FER: variants seen among roughly 807,000 people sequenced by gnomAD.
The protein encoded by FER is FER tyrosine kinase.
A neutral mutation model predicts 111.0 loss-of-function variants in FER; 63 were observed. The ratio of observed to expected loss-of-function variants is 0.57; its 90% CI spans 0.46 to 0.70. The LOEUF is 0.70. FER is among the 30% of genes least tolerant of loss of function. The pLI is 0.00. For missense variants in FER, 914 were observed against 954.0 expected, an observed-to-expected ratio of 0.96 and a Z score of 0.55; for synonymous variants, 327 against 313.9, an observed-to-expected ratio of 1.04 and a Z score of -0.44.
At chr5:108,962,135 G>A (rs1006935620) in intron 13 of FER, among the ~76,000 whole-genome samples, 2 of 152,094 alleles carry the variant, frequency 1.3e-5, no homozygotes, top group Non-Finnish European at 2.9e-5. Flanking sequence ...AACTAGACAG[G>A]ATTAAATTGT....
intron 6 of FER, among the ~76,000 whole-genome samples, chr5:108,871,108 A>T (rs559843541): frequency 9.9e-5 from 15 of 152,226 alleles, no homozygotes; most frequent in Admixed American, 5.9e-4. Context: ...GGACATATCA[A>T]ATACATTTTT....
intron 10 of FER, among the ~76,000 whole-genome samples, chr5:108,908,068 T>C (rs1254774037): frequency 1.3e-5 from 2 of 152,212 alleles, no homozygotes; most frequent in Admixed American, 1.3e-4. Flanking sequence ...TTAGATTTTC[T>C]TCCTTTGATT....
At chr5:109,179,861 A>G (rs985650144) in intron 17 of FER, among the ~76,000 whole-genome samples, 1 of 152,178 alleles carries the variant, frequency 6.6e-6, no homozygotes, top group Admixed American at 6.6e-5. Flanking sequence ...ATGGATCCCA[A>G]GGGATGGCTG....
At chr5:108,973,836 A>G (rs954400300) in intron 13 of FER, among the ~76,000 whole-genome samples, 10 of 152,158 alleles carry the variant, frequency 6.6e-5, no homozygotes, top group Non-Finnish European at 1.3e-4. Context: ...ATAAATCTAT[A>G]TCCTTTTTTG....
At chr5:108,893,452 A>G (rs62360824) in intron 9 of FER, among the ~76,000 whole-genome samples, 34,304 of 151,522 alleles carry the variant, frequency 0.23, 4,072 homozygotes, top group African/African-American at 0.29. Context: ...GAGATTTTAC[A>G]TTTAAATCTA....
At chr5:108,891,950 A>G (rs1748143164) in intron 9 of FER, among the ~76,000 whole-genome samples, 1 of 152,122 alleles carries the variant, frequency 6.6e-6, no homozygotes, top group Admixed American at 6.5e-5. Flanking sequence ...TTTGCTGAGA[A>G]TGATGGTTTC....
At chr5:108,897,634 A>G in intron 9 of FER, 25 bp from the exon 10 acceptor site, 1 of 1,470,530 alleles carries the variant, frequency 6.8e-7, no homozygotes. Context: ...TGAAGTTGAA[A>G]TCATTTATAT....
chr5:109,105,114 A>G (rs1748734977), intron 17 of FER, among the ~76,000 whole-genome samples: 1 of 152,094 alleles, frequency 6.6e-6, no homozygotes, highest in Admixed American at 6.5e-5. Flanking sequence ...GGAAGAGAGT[A>G]ATATTATATT....
Position 109,187,754 on chromosome 5 carries a change from T to TAAAGA in FER, c.*182_*186dup, listed in dbSNP as rs751980065. ...TGTAAAAAGTCAAAGGCAAATTTGT[T>TAAAGA]AAAGAAATAGGCAGTCCTACCAAGG... is the stretch of plus-strand genomic sequence containing the variant. On this transcript the variant is annotated 3_prime_UTR_variant, in exon 20 of 20. Transcript: ENST00000281092. 2 of 737,898 alleles carry TAAAGA rather than the reference T, an allele frequency of 2.7e-6. No homozygotes were observed. Among genetic ancestry groups the TAAAGA allele is most frequent in the Non-Finnish European group, 2.2e-6 (1 of 464,984 alleles). The allele number at this position is 737,898 out of a possible 1,614,324, so 45.7% of individuals were successfully genotyped here.
chr5:108,907,173 G>T (rs1224749980), intron 10 of FER, among the ~76,000 whole-genome samples: 1 of 152,054 alleles, frequency 6.6e-6, no homozygotes, highest in Non-Finnish European at 1.5e-5. Flanking sequence ...TGCACATTTG[G>T]TTTTTGTTCC....
intron 10 of FER, among the ~76,000 whole-genome samples, chr5:108,944,596 C>CAGCA (rs1756722412): frequency 6.6e-6 from 1 of 151,996 alleles, no homozygotes. Flanking sequence ...TCAATGAATT[C>CAGCA]AGCACAGTCT....
chr5:108,780,434 T>G (rs1753934248), intron 2 of FER, among the ~76,000 whole-genome samples: 1 of 151,938 alleles, frequency 6.6e-6, no homozygotes, highest in South Asian at 2.1e-4. Flanking sequence ...ATAATTCACT[T>G]CACTCCCTTC....
chr5:108,828,209 T>G (rs1759674007), intron 3 of FER, among the ~76,000 whole-genome samples: 1 of 152,182 alleles, frequency 6.6e-6, no homozygotes, highest in Non-Finnish European at 1.5e-5. Context: ...ATTATTTACT[T>G]TTTGTACTTT....
intron 17 of FER, among the ~76,000 whole-genome samples, chr5:109,112,116 T>C (rs1749689281): frequency 6.6e-6 from 1 of 152,148 alleles, no homozygotes; most frequent in Non-Finnish European, 1.5e-5. Flanking sequence ...GGTTATAATG[T>C]TAACCTACCT....
chr5:109,114,131 C>T (rs958276215), intron 17 of FER, among the ~76,000 whole-genome samples: 20 of 152,056 alleles, frequency 1.3e-4, no homozygotes, highest in Non-Finnish European at 2.2e-4. Flanking sequence ...CTTACTTCCC[C>T]ACTCACTGTA....
chr5:109,191,602 G>T lies in FER; in HGVS notation c.*4027G>T, dbSNP rs2126906505. 1 of 152,176 alleles carries T rather than the reference G, an allele frequency of 6.6e-6. No individual in the cohort carries two copies. The highest frequency in any genetic ancestry group is 2.4e-5 in the African/African-American group (1 of 41,538). 9.4% of individuals were successfully genotyped at this position (152,176 alleles called of 1,614,324 possible). A position where few individuals can be genotyped will look rare whatever the true frequency, so the allele number is the denominator to read the frequency against. ...TAGGTATTAATATCTTAATTAAATG[G>T]AATCAGATTTTGTATGGAAATGAGT... On this transcript the variant is annotated 3_prime_UTR_variant, in exon 20 of 20. Transcript: ENST00000281092.
chr5:108,873,812 G>C lies in FER; in HGVS notation c.923+1600G>C, dbSNP rs145514060. Among the ~76,000 whole-genome samples, 151 of 152,274 alleles carry C rather than the reference G, an allele frequency of 9.9e-4. 2 individuals carry two copies. The East Asian group carries it at 0.028, about 29-fold the overall frequency. On this transcript the variant is annotated intron_variant, in intron 8 of 19. Coordinates refer to ENST00000281092, the MANE Select transcript of FER (RefSeq NM_005246.4). ...CGTAGATGCTGCTAAACGTCCTACA[G>C]TGCACAGGACAGCCTCCCAAACAAA...
Position 108,991,875 on chromosome 5 carries a change from T to A in FER, c.1656+32528T>A, listed in dbSNP as rs574145095. Among the ~76,000 whole-genome samples the A allele has an allele frequency of 2.5e-3, 356 of 145,094 alleles. 1 individual carries two copies. Among genetic ancestry groups the A allele is most frequent in the African/African-American group, 7.9e-3 (305 of 38,642 alleles). ...TTCTTTGTATTTTCTTTTTTTTTTT[T>A]AAATTAATTAATTTATTTTTATTGA... On this transcript the variant is annotated intron_variant, in intron 13 of 19. Coordinates refer to ENST00000281092, the MANE Select transcript of FER (RefSeq NM_005246.4).
chr5:108,870,338 C>A (rs374106640), intron 6 of FER, among the ~76,000 whole-genome samples: 1 of 152,042 alleles, frequency 6.6e-6, no homozygotes, highest in East Asian at 1.9e-4. Context: ...CACCTATTTA[C>A]TGTATTGCTT....
Sources: allele counts gnomAD v4.1 joint callset (sites outside exome capture counted in the v4.1 genomes callset), GRCh38; gene constraint gnomAD v4.1.1; transcripts MANE v1.5; gene names NCBI Gene and HGNC (gene_info 2026-07-23, HGNC 2026-07-21).